LYST: variants seen among roughly 807,000 people sequenced by gnomAD.
The protein encoded by LYST is lysosomal trafficking regulator.
In LYST, 192 loss-of-function variants were observed where a neutral mutation model predicts 413.6. That is an observed-to-expected ratio of 0.46 (90% CI 0.41 to 0.52). The LOEUF is 0.52. Among genes scored for constraint, LYST ranks in the 20% least tolerant of loss-of-function variants. LYST has a pLI of 0.00. For synonymous variants in LYST, 1,525 were observed against 1,567.3 expected, an observed-to-expected ratio of 0.97 and a Z score of 0.64; for missense variants, 3,815 against 4,499.9, an observed-to-expected ratio of 0.85 and a Z score of 4.35.
Position 235,755,500 on chromosome 1 carries a change from G to C in LYST, c.7207C>G (p.Arg2403Gly). ...TACTCTTCATCAAGGCCAATATGTC[G>C]ACCAAAGAACATTTCGATGAAGCAT... The part of the protein sequence containing the change: ...LECFIEMFFG[R>G]HIGLDEEFDL... The change falls in exon 25 of 53, where the codon CGA becomes GGA. Residue 2403 changes from arginine (R) to glycine (G), a missense_variant. Transcript: ENST00000389793. 4 of 1,613,636 alleles carry C rather than the reference G, an allele frequency of 2.5e-6. No individual in the cohort carries two copies. The highest frequency in any genetic ancestry group is 3.4e-6 in the Non-Finnish European group (4 of 1,179,658).
At chr1:235,785,938 A>C (rs1670366645) in intron 14 of LYST, among the ~76,000 whole-genome samples, 1 of 152,216 alleles carries the variant, frequency 6.6e-6, no homozygotes, top group African/African-American at 2.4e-5. Context: ...AAAATCATAC[A>C]GTACTCTCCC....
At chr1:235,796,635 C>T (rs1558258370) in intron 10 of LYST, among the ~76,000 whole-genome samples, 1 of 152,078 alleles carries the variant, frequency 6.6e-6, no homozygotes, top group Non-Finnish European at 1.5e-5. Context: ...GAGGAGTCTG[C>T]CCTCATGGGT....
At chr1:235,788,674 T>A in intron 13 of LYST, 27 bp downstream of exon 13, 1 of 1,607,100 alleles carries the variant, frequency 6.2e-7, no homozygotes, top group Non-Finnish European at 8.5e-7. Context: ...CATTATCTAT[T>A]CATGGGAGGC....
At chr1:235,811,784 C>A (rs1486876716) in intron 4 of LYST, among the ~76,000 whole-genome samples, 1 of 151,904 alleles carries the variant, frequency 6.6e-6, no homozygotes, top group East Asian at 1.9e-4. Context: ...AAATTCCACC[C>A]AAGCAAAAGA....
chr1:235,780,511 G>T lies in LYST; in HGVS notation c.5214+354C>A, dbSNP rs568670863. Among the ~76,000 whole-genome samples the T allele has an allele frequency of 3.3e-5, 5 of 152,012 alleles. No individual in the cohort carries two copies. The East Asian group carries it at 9.7e-4, about 29-fold the overall frequency. On this transcript the variant is annotated intron_variant, in intron 16 of 52. Transcript: ENST00000389793. ...TATTATTTATTTATAAGTATGGAAA[G>T]AAAATATAATGAGCAACATTTTTTA...
intron 46 of LYST, among the ~76,000 whole-genome samples, chr1:235,695,761 T>C (rs1201678007): frequency 6.6e-6 from 1 of 151,194 alleles, no homozygotes; most frequent in Non-Finnish European, 1.5e-5. Flanking sequence ...GCCTCCCGAG[T>C]AGCTGGGACT....
intron 7 of LYST, 26 bp from the exon 8 acceptor site, chr1:235,803,090 T>C (rs1672423341): frequency 6.3e-7 from 1 of 1,595,434 alleles, no homozygotes; most frequent in Non-Finnish European, 8.6e-7. Context: ...ATTCAAAGGT[T>C]GTAACATTTG....
At chr1:235,868,197 AT>A (rs1246173998), upstream of LYST, among the ~76,000 whole-genome samples, 3 of 151,492 alleles carry the variant, frequency 2.0e-5, no homozygotes, top group Non-Finnish European at 4.4e-5. Context: ...TTTGAGACAG[AT>A]TCTCGCTCTG....
At chr1:235,869,795 TA>T (rs11307029), upstream of LYST, among the ~76,000 whole-genome samples, 114,711 of 151,868 alleles carry the variant, frequency 0.76, 43,341 homozygotes, top group East Asian at 0.88. Flanking sequence ...TACAGAGCTC[TA>T]ACACCATCTG....
At chr1:235,853,937 A>T (rs1458476271) in intron 1 of LYST, among the ~76,000 whole-genome samples, 1 of 152,130 alleles carries the variant, frequency 6.6e-6, no homozygotes, top group Non-Finnish European at 1.5e-5. Flanking sequence ...GCACCGCAAA[A>T]GGGTAGAAAT....
rs1659189178 is a variant in LYST at position 235,674,156 on chromosome 1, G to C, written c.11038+2935C>G. Among the ~76,000 whole-genome samples the C allele has an allele frequency of 6.6e-6, 1 of 152,124 alleles. No individual in the cohort carries two copies. The highest frequency in any genetic ancestry group is 6.5e-5 in the Admixed American group (1 of 15,270). ...AGTAACAATGTCAATTTTACCTTGT[G>C]TCTCTCACGACAGGGGGAATATTTG... is the stretch of plus-strand genomic sequence containing the variant. On this transcript the variant is annotated intron_variant, in intron 50 of 52. Transcript: ENST00000389793. This position sits in a 1 kb window ranked among gnomAD's most constrained non-coding sequence, Gnocchi z 4.1.
At position 235,806,530 on chromosome 1, in the gene LYST, T is replaced by C. The variant is rs1258256163; in HGVS notation, c.2606A>G (p.Gln869Arg). ...HHQQAYSDSP[Q>R]SLSKFYAGLK... ...GCCAGCATAAAATTTGCTGAGACTC[T>C]GAGGAGAATCTGAATAAGCTTGCTG... Residue 869 changes from glutamine to arginine, a missense_variant, in exon 6 of 53, where the codon CAG becomes CGG. Coordinates refer to ENST00000389793, the MANE Select transcript of LYST (RefSeq NM_000081.4). 6.2e-7 allele frequency: 1 copy of C among 1,614,106 alleles called. No individual in the cohort carries two copies.
intron 3 of LYST, among the ~76,000 whole-genome samples, chr1:235,813,681 G>T (rs1673729840): frequency 1.3e-5 from 2 of 152,186 alleles, no homozygotes; most frequent in Non-Finnish European, 2.9e-5. Flanking sequence ...AACAGTTAAA[G>T]AACAGCAGAA....
intron 46 of LYST, 138 bp from the exon 47 acceptor site, chr1:235,693,624 A>C: frequency 1.1e-6 from 1 of 883,972 alleles, no homozygotes; most frequent in Non-Finnish European, 1.8e-6. Flanking sequence ...TAAATCTCTA[A>C]AATGGAACAA....
chr1:235,716,545 G>C (rs1662850321), intron 41 of LYST, among the ~76,000 whole-genome samples, 167 bp downstream of exon 41: 1 of 152,096 alleles, frequency 6.6e-6, no homozygotes, highest in South Asian at 2.1e-4. Flanking sequence ...AGAAAATCAG[G>C]ATAGAAAATG....
intron 1 of LYST, among the ~76,000 whole-genome samples, chr1:235,860,781 A>C (rs1206348620): frequency 6.6e-6 from 1 of 152,212 alleles, no homozygotes; most frequent in Non-Finnish European, 1.5e-5. Flanking sequence ...CATCAAATCA[A>C]GATAGTAAAC....
At chr1:235,783,171 C>T (rs10926649) in intron 14 of LYST, among the ~76,000 whole-genome samples, 75,897 of 151,976 alleles carry the variant, frequency 0.5, 22,401 homozygotes, top group African/African-American at 0.82. Context: ...TAAGCTAACA[C>T]GGGTAGCTCT....
At position 235,734,544 on chromosome 1, in the gene LYST, C is replaced by T; in HGVS notation, c.8474G>A (p.Gly2825Asp). The change falls in exon 32 of 53, where the codon GGT (glycine) becomes GAT (aspartate). Residue 2825 changes from glycine to aspartate, a missense_variant. By Grantham distance (94) the Gly-to-Asp change is moderately conservative. Around this residue, in one of 4 missense-constraint regions of LYST, gnomAD observed 771 missense variants for 837.1 expected, o/e 0.92. Transcript: ENST00000389793. The stretch of plus-strand genomic sequence containing the variant: ...TGCACTGGGAGGGATGCACTTGTGA[C>T]CACATAACTTCAAAGCATTCATAAG... Reference protein sequence around the residue: ...ELLMNALKLCGHKCIPPSAST... With the variant: ...ELLMNALKLCDHKCIPPSAST... 2 of 1,613,622 alleles carry T rather than the reference C, an allele frequency of 1.2e-6. No homozygotes were observed. Among genetic ancestry groups the T allele is most frequent in the Non-Finnish European group, 1.7e-6 (2 of 1,179,626 alleles).
rs548454914 is a variant in LYST, at chr1:235,751,178, T to C, written c.7780+32A>G. Reference sequence around the variant, plus strand: ...TAGGAAAGTCAAGCTAGCCTCAATTTATGGTTATTAAAATATGATTTCAAT... The same window carrying C: ...TAGGAAAGTCAAGCTAGCCTCAATTCATGGTTATTAAAATATGATTTCAAT... On this transcript the variant is annotated intron_variant, in intron 28 of 52. Coordinates refer to ENST00000389793, the MANE Select transcript of LYST (RefSeq NM_000081.4). 1.7e-4 allele frequency: 269 copies of C among 1,602,226 alleles called. 2 individuals carry two copies. The South Asian group carries it at 2.5e-3, about 15-fold the overall frequency.
Sources: allele counts gnomAD v4.1 joint callset (sites outside exome capture counted in the v4.1 genomes callset), GRCh38; gene constraint gnomAD v4.1.1; regional missense constraint gnomAD v4.1.1; non-coding constraint Gnocchi (gnomAD v3.1); transcripts MANE v1.5; gene names NCBI Gene and HGNC (gene_info 2026-07-23, HGNC 2026-07-21).